Variants in MYPN observed in about 807,000 individuals in gnomAD.
MYPN encodes the protein sarcomeric protein myopalladin, 145 kDa (MYOP).
Under a neutral mutation model 129.4 loss-of-function variants are expected in MYPN, and 63 were observed. The observed-to-expected ratio is 0.49, with a 90% CI of 0.40 to 0.60. The LOEUF (loss-of-function observed/expected upper bound fraction) is 0.60, where lower values mean the gene tolerates loss of function less well. Ranked by LOEUF, MYPN falls within the 20% of genes least tolerant of loss-of-function variation. The probability of loss-of-function intolerance (pLI) is 0.00; values close to 1 mark genes in which losing one functional copy is unlikely to be tolerated. For synonymous variants in MYPN, 629 were observed against 600.9 expected, an observed-to-expected ratio of 1.05 and a Z score of -0.68; for missense variants, 1,596 against 1,635.4, an observed-to-expected ratio of 0.98 and a Z score of 0.42.
chr10:68,172,613 C>T (rs890680307), intron 10 of MYPN, among the ~76,000 whole-genome samples: 6 of 152,220 alleles, frequency 3.9e-5, no homozygotes, highest in Non-Finnish European at 7.4e-5. Flanking sequence ...AGGCAAATCA[C>T]GTGATGCCTC....
At chr10:68,102,730 A>T (rs189991801), upstream of MYPN, among the ~76,000 whole-genome samples, 1 of 151,952 alleles carries the variant, frequency 6.6e-6, no homozygotes. Flanking sequence ...TTTTCTTTGT[A>T]TTTGATTATA....
At chr10:68,104,257 C>G (rs183088012), upstream of MYPN, among the ~76,000 whole-genome samples, 1 of 152,106 alleles carries the variant, frequency 6.6e-6, no homozygotes, top group Admixed American at 6.5e-5. Flanking sequence ...TTGGAGATGT[C>G]CAAGCAGACC....
Position 68,206,778 on chromosome 10 carries a change from A to G in MYPN, c.3668A>G (p.Gln1223Arg), listed in dbSNP as rs777642689. The change falls in exon 19 of 20, where the codon CAG (glutamine) becomes CGG (arginine). Residue 1223 changes from glutamine to arginine, a missense_variant. Gln to Arg is a conservative substitution (Grantham distance 43). Transcript: ENST00000358913. ...PCTRERISMH[Q>R]DTTGYACLLI... ...TCTCTCTTTTTCTCCAGTATGCACC[A>G]GGACACAACAGGGTATGCCTGCCTT... 6.2e-7 allele frequency: 1 copy of G among 1,614,206 alleles called. No individual in the cohort carries two copies. Among genetic ancestry groups the G allele is most frequent in the Non-Finnish European group, 8.5e-7 (1 of 1,180,034 alleles).
At chr10:68,177,625 G>A (rs982600874) in intron 12 of MYPN, among the ~76,000 whole-genome samples, 2 of 152,118 alleles carry the variant, frequency 1.3e-5, no homozygotes, top group African/African-American at 4.8e-5. Context: ...TGTGACCCAC[G>A]CTGGTGAAGT....
In MYPN at chr10:68,211,922, G is replaced by A. The variant is rs551108204; in HGVS notation, c.*1467G>A. ...AGCACACTCAGCTGGCATTGTATTT[G>A]TGTGAACAGACAGTAACTGCTTAGA... On this transcript the variant is annotated 3_prime_UTR_variant, in exon 20 of 20. Transcript: ENST00000358913. 1 of 420,354 alleles carries A rather than the reference G, an allele frequency of 2.4e-6. No individual in the cohort carries two copies. Among genetic ancestry groups the A allele is most frequent in the East Asian group, 7.1e-5 (1 of 13,990 alleles). 26.0% of individuals were successfully genotyped at this position (420,354 alleles called of 1,614,324 possible).
intron 18 of MYPN, among the ~76,000 whole-genome samples, chr10:68,206,453 T>C (rs1050739485): frequency 2.0e-5 from 3 of 152,160 alleles, no homozygotes; most frequent in African/African-American, 7.2e-5. Context: ...AACAAAGTTA[T>C]CGATGAAATG....
chr10:68,141,330 C>T (rs538588602), intron 2 of MYPN, among the ~76,000 whole-genome samples: 1 of 150,512 alleles, frequency 6.6e-6, no homozygotes, highest in Non-Finnish European at 1.5e-5. Context: ...GATCGGACCA[C>T]TGCACTCCAA....
chr10:68,204,521 A>G (rs989720136), intron 18 of MYPN, among the ~76,000 whole-genome samples: 37 of 152,172 alleles, frequency 2.4e-4, no homozygotes, highest in African/African-American at 8.9e-4. Context: ...CAGGAGTTGG[A>G]GACCAGCCTG....
intron 19 of MYPN, 131 bp from the exon 20 acceptor site, chr10:68,210,155 A>C: frequency 1.0e-6 from 1 of 985,686 alleles, no homozygotes; most frequent in South Asian, 1.5e-5. Context: ...GGCAATTCAG[A>C]CCCAGGTATA....
At chr10:68,207,024 G>A (rs1016367378) in intron 19 of MYPN, 121 bp downstream of exon 19, 132 of 1,216,358 alleles carry the variant, frequency 1.1e-4, no homozygotes, top group South Asian at 4.9e-4. Flanking sequence ...TTGGGAGGCC[G>A]AGGCAGGCAG....
intron 8 of MYPN, chr10:68,162,204 A>G (rs1337115934): frequency 1.3e-5 from 2 of 152,232 alleles, no homozygotes; most frequent in Non-Finnish European, 2.9e-5. Context: ...CAAATGAACT[A>G]TAGCTATTAT....
At chr10:68,106,950 G>A (rs1294504221), upstream of MYPN, 2 of 618,186 alleles carry the variant, frequency 3.2e-6, no homozygotes, top group Non-Finnish European at 2.9e-6. Context: ...CCAACCTTGT[G>A]TTTGCTTGCC....
At chr10:68,202,806 T>C (rs2043740612) in intron 18 of MYPN, among the ~76,000 whole-genome samples, 1 of 151,292 alleles carries the variant, frequency 6.6e-6, no homozygotes, top group African/African-American at 2.4e-5. Flanking sequence ...GAGAATGCTG[T>C]AGCTGTTGGG....
intron 2 of MYPN, among the ~76,000 whole-genome samples, chr10:68,135,998 A>G (rs2042481346): frequency 6.6e-6 from 1 of 152,208 alleles, no homozygotes; most frequent in South Asian, 2.1e-4. Context: ...CTGAGTAATC[A>G]TTCTTTTAAC....
intron 3 of MYPN, among the ~76,000 whole-genome samples, chr10:68,145,102 G>A (rs535495679): frequency 1.3e-5 from 2 of 151,626 alleles, no homozygotes; most frequent in South Asian, 4.2e-4. Flanking sequence ...TCGGCTCACA[G>A]CAACCTCCGC....
intron 2 of MYPN, among the ~76,000 whole-genome samples, chr10:68,133,321 G>C (rs191059575): frequency 6.6e-6 from 1 of 151,938 alleles, no homozygotes; most frequent in Admixed American, 6.6e-5. Context: ...CACCATGCCC[G>C]GCCTATAGAC....
chr10:68,157,152 G>C (rs10997959), intron 6 of MYPN, among the ~76,000 whole-genome samples: 60,476 of 151,778 alleles, frequency 0.4, 13,981 homozygotes, highest in Non-Finnish European at 0.52. Flanking sequence ...TTTCATTGTG[G>C]GAGTGTGGAA....
chr10:68,198,299 G>A (rs1475713982), intron 16 of MYPN, among the ~76,000 whole-genome samples: 3 of 152,154 alleles, frequency 2.0e-5, no homozygotes, highest in Non-Finnish European at 4.4e-5. Flanking sequence ...TGGCTCCAAG[G>A]TAGTGTATGA....
intron 5 of MYPN, 90 bp downstream of exon 5, chr10:68,148,557 T>C: frequency 9.9e-7 from 1 of 1,005,894 alleles, no homozygotes; most frequent in South Asian, 1.3e-5. Context: ...GATCGTGTTT[T>C]TCTCAGGTGC....
Sources: allele counts gnomAD v4.1 joint callset (sites outside exome capture counted in the v4.1 genomes callset), GRCh38; gene constraint gnomAD v4.1.1; transcripts MANE v1.5; gene names NCBI Gene and HGNC (gene_info 2026-07-23, HGNC 2026-07-21).